VRK2: variants seen among roughly 807,000 people sequenced by gnomAD.
The protein encoded by VRK2 is VRK serine/threonine kinase 2.
Under a neutral mutation model 57.6 loss-of-function variants are expected in VRK2, and 60 were observed. The ratio of observed to expected loss-of-function variants is 1.04; its 90% confidence interval spans 0.85 to 1.29. The LOEUF is 1.29. VRK2 is among the 50% of genes most tolerant of loss of function. The probability of loss-of-function intolerance (pLI) is 0.00; values close to 1 mark genes in which losing one functional copy is unlikely to be tolerated. For synonymous variants in VRK2, 231 were observed against 199.2 expected, an observed-to-expected ratio of 1.16 and a Z score of -1.35; for missense variants, 705 against 588.1, an observed-to-expected ratio of 1.20 and a Z score of -2.06.
At chr2:57,907,656 T>C (rs534441308) in exon 1 of VRK2, 2 of 152,394 alleles carry the variant, frequency 1.3e-5, no homozygotes, top group African/African-American at 4.8e-5. Context: ...ACCCTGGCTA[T>C]TCACACGCTT....
chr2:57,913,657 T>C (rs17049246), intron 1 of VRK2, among the ~76,000 whole-genome samples: 5,342 of 152,232 alleles, frequency 0.035, 336 homozygotes, highest in African/African-American at 0.12. Context: ...AACTTTACTA[T>C]GATCTTCATT....
intron 2 of VRK2, among the ~76,000 whole-genome samples, chr2:58,059,132 A>T (rs1676961928): frequency 6.6e-6 from 1 of 152,064 alleles, no homozygotes; most frequent in Non-Finnish European, 1.5e-5. Flanking sequence ...AAAATCTGTG[A>T]AAGAACATCT....
chr2:57,913,424 G>A (rs897910081), intron 1 of VRK2, among the ~76,000 whole-genome samples: 7 of 152,174 alleles, frequency 4.6e-5, no homozygotes, highest in African/African-American at 1.4e-4. Flanking sequence ...AAGATTATTA[G>A]CAATTTTTTT....
intron 1 of VRK2, among the ~76,000 whole-genome samples, chr2:58,011,948 C>T (rs1253727210): frequency 1.3e-5 from 2 of 152,138 alleles, no homozygotes; most frequent in African/African-American, 4.8e-5. Flanking sequence ...TCAGATTCCC[C>T]AGATATAAGG....
intron 2 of VRK2, among the ~76,000 whole-genome samples, chr2:58,073,062 T>G (rs1166007523): frequency 1.3e-5 from 2 of 152,124 alleles, no homozygotes; most frequent in African/African-American, 2.4e-5. Flanking sequence ...TAAAATGTAC[T>G]TTGAGTTTTT....
At chr2:58,133,869 ATTG>A (rs1299455338) in intron 9 of VRK2, among the ~76,000 whole-genome samples, 5 of 152,100 alleles carry the variant, frequency 3.3e-5, no homozygotes, top group African/African-American at 1.2e-4. Context: ...TGAATTTTTT[ATTG>A]TTGTTTTTGA....
intron 1 of VRK2, among the ~76,000 whole-genome samples, chr2:57,950,716 T>C (rs566664867): frequency 4.9e-4 from 74 of 152,336 alleles, no homozygotes; most frequent in African/African-American, 1.8e-3. Flanking sequence ...ACAGCTGTCA[T>C]AGATGGTGAT....
At chr2:57,933,309 C>CTTTTTTTTTTTTTTTTTTTTTTTTTTTTT (rs71394403) in intron 1 of VRK2, among the ~76,000 whole-genome samples, 6 of 63,320 alleles carry the variant, frequency 9.5e-5, no homozygotes, top group African/African-American at 3.8e-4. Context: ...CTTTCTTTTT[C>CTTTTTTTTTTTTTTTTTTTTTTTTTTTTT]TTTTTTTTTT....
intron 1 of VRK2, among the ~76,000 whole-genome samples, chr2:57,921,787 G>A (rs1460674486): frequency 6.6e-6 from 1 of 152,058 alleles, no homozygotes. Context: ...TATGATTTAT[G>A]TTTTATAATA....
chr2:58,091,560 T>A (rs1028749512), intron 7 of VRK2, among the ~76,000 whole-genome samples: 1 of 151,892 alleles, frequency 6.6e-6, no homozygotes, highest in African/African-American at 2.4e-5. Context: ...CTATAAAAAA[T>A]TAGAAAAAAT....
intron 2 of VRK2, among the ~76,000 whole-genome samples, chr2:58,065,893 G>T (rs1052603727): frequency 6.6e-6 from 1 of 151,994 alleles, no homozygotes; most frequent in African/African-American, 2.4e-5. Flanking sequence ...TTAAATTTTA[G>T]TTTCCATTTG....
chr2:57,997,791 A>C (rs1672970804), intron 1 of VRK2, among the ~76,000 whole-genome samples: 1 of 152,034 alleles, frequency 6.6e-6, no homozygotes, highest in African/African-American at 2.4e-5. Flanking sequence ...GCTACTCAGG[A>C]GGCTGAAGTG....
At chr2:57,917,174 A>G (rs1670185489) in intron 1 of VRK2, among the ~76,000 whole-genome samples, 1 of 152,152 alleles carries the variant, frequency 6.6e-6, no homozygotes, top group South Asian at 2.1e-4. Context: ...GAGAAAGAAT[A>G]CCAACAACCT....
At chr2:58,085,890 A>G (rs1671544766) in intron 4 of VRK2, among the ~76,000 whole-genome samples, 1 of 151,190 alleles carries the variant, frequency 6.6e-6, no homozygotes, top group African/African-American at 2.4e-5. Flanking sequence ...AGTAATTTCA[A>G]AGTAAGATGG....
intron 1 of VRK2, among the ~76,000 whole-genome samples, chr2:57,975,837 G>A (rs146797510): frequency 1.3e-5 from 2 of 151,908 alleles, no homozygotes; most frequent in African/African-American, 4.8e-5. Context: ...CATGTCACTG[G>A]GGTTTGATAT....
At chr2:57,952,765 CAG>C (rs1427210234) in intron 1 of VRK2, among the ~76,000 whole-genome samples, 1 of 142,448 alleles carries the variant, frequency 7.0e-6, no homozygotes, top group Non-Finnish European at 1.5e-5. Context: ...AAAAAAAAAA[CAG>C]AGGGATGTCA....
chr2:58,094,097 C>G (rs1192108748), intron 7 of VRK2, among the ~76,000 whole-genome samples: 21 of 152,128 alleles, frequency 1.4e-4, no homozygotes, highest in East Asian at 5.8e-4. Context: ...GTCAGGTAGC[C>G]TGATGCCTCC....
At chr2:58,024,177 T>C (rs1427305989) in intron 1 of VRK2, among the ~76,000 whole-genome samples, 1 of 151,982 alleles carries the variant, frequency 6.6e-6, no homozygotes, top group Admixed American at 6.6e-5. Context: ...ACAAAAAATA[T>C]TTTTGACTCC....
chr2:58,081,492 A>T (rs914635861), intron 2 of VRK2, among the ~76,000 whole-genome samples: 3 of 151,212 alleles, frequency 2.0e-5, no homozygotes, highest in African/African-American at 7.3e-5. Context: ...TTTTCTTGCC[A>T]TCTATTAAAT....
Sources: allele counts gnomAD v4.1 joint callset (sites outside exome capture counted in the v4.1 genomes callset), GRCh38; gene constraint gnomAD v4.1.1; transcripts MANE v1.5; gene names NCBI Gene and HGNC (gene_info 2026-07-23, HGNC 2026-07-21).